UBLCP1: variants seen among roughly 807,000 people sequenced by gnomAD.
The protein encoded by UBLCP1 is ubiquitin-like domain-containing CTD phosphatase 1.
UBLCP1 carries 28 observed loss-of-function variants against 42.4 expected under a neutral mutation model. That is an observed-to-expected ratio of 0.66 (90% confidence interval 0.49 to 0.90). UBLCP1 has a LOEUF of 0.90. UBLCP1 is among the 40% of genes least tolerant of loss of function. The pLI is 0.00. For missense variants in UBLCP1, 279 were observed against 374.5 expected (o/e 0.75, Z 2.10); for synonymous variants, 122 against 120.8 (o/e 1.01, Z -0.07).
chr5:159,283,976 T>C (rs1753638136), intron 10 of UBLCP1, among the ~76,000 whole-genome samples: 1 of 152,144 alleles, frequency 6.6e-6, no homozygotes, highest in Non-Finnish European at 1.5e-5. Context: ...TATTACTATG[T>C]ATTACAGTAT....
At chr5:159,280,966 A>G (rs1286336445) in intron 9 of UBLCP1, among the ~76,000 whole-genome samples, 1 of 152,210 alleles carries the variant, frequency 6.6e-6, no homozygotes, top group Non-Finnish European at 1.5e-5. Context: ...ACCTGAGACA[A>G]GATGATGGTT....
At chr5:159,276,382 T>A in intron 8 of UBLCP1, among the ~76,000 whole-genome samples, 1 of 152,218 alleles carries the variant, frequency 6.6e-6, no homozygotes, top group East Asian at 1.9e-4. Flanking sequence ...ATTAAAATTA[T>A]CAAAACCATA....
chr5:159,275,394 G>A, intron 8 of UBLCP1, 148 bp downstream of exon 8: 2 of 390,096 alleles, frequency 5.1e-6, no homozygotes, highest in Admixed American at 4.4e-5. Flanking sequence ...ATGTATTTAA[G>A]GTTAAAAGAT....
intron 3 of UBLCP1, 88 bp downstream of exon 3, chr5:159,270,087 A>G: frequency 8.5e-7 from 1 of 1,174,154 alleles, no homozygotes; most frequent in South Asian, 1.5e-5. Flanking sequence ...AATTGTGGTA[A>G]AATTGTCAGT....
At position 159,270,129 on chromosome 5, in the gene UBLCP1, G is replaced by A. The variant is rs1753446696; in HGVS notation, c.246+130G>A. On this transcript the variant is annotated intron_variant, in intron 3 of 10. Coordinates refer to ENST00000296786, the MANE Select transcript of UBLCP1 (RefSeq NM_145049.5). ...ATCAATGAAAAATAAAACCCGCACC[G>A]TGAATGTGTTATTAACTGTATAAGT... is the stretch of plus-strand genomic sequence containing the variant. 16 of 801,284 alleles carry A rather than the reference G, an allele frequency of 2.0e-5. No individual in the cohort carries two copies. In the South Asian group the frequency reaches 2.0e-4, roughly 10 times the overall value. 49.6% of individuals were successfully genotyped at this position (801,284 alleles called of 1,614,324 possible).
chr5:159,285,425 A>G lies in UBLCP1; in HGVS notation c.*494A>G, dbSNP rs1753666355. On this transcript the variant is annotated 3_prime_UTR_variant, in exon 11 of 11. Coordinates refer to ENST00000296786, the MANE Select transcript of UBLCP1 (RefSeq NM_145049.5). ...AAAAACAAAAAAAAACTTTTTAATTAAAGAACCTAGTTTGCTATGCTTAAA... is the reference window on the plus strand; with the variant it reads ...AAAAACAAAAAAAAACTTTTTAATTGAAGAACCTAGTTTGCTATGCTTAAA... 1 of 152,752 alleles carries G rather than the reference A, an allele frequency of 6.5e-6. No individual in the cohort carries two copies. The highest frequency in any genetic ancestry group is 2.4e-5 in the African/African-American group (1 of 41,442). 9.5% of individuals were successfully genotyped at this position (152,752 alleles called of 1,614,324 possible).
At chr5:159,264,305 A>G (rs1055958802) in intron 1 of UBLCP1, among the ~76,000 whole-genome samples, 9 of 152,176 alleles carry the variant, frequency 5.9e-5, no homozygotes, top group African/African-American at 1.9e-4. Flanking sequence ...ACCCCAAATC[A>G]TTTTTCAGCT....
Position 159,268,951 on chromosome 5 carries a change from G to T in UBLCP1, c.36G>T (p.Gln12His), listed in dbSNP as rs1753431079. The T allele has an allele frequency of 6.2e-7, 1 of 1,611,562 alleles. No homozygotes were observed. Among genetic ancestry groups the T allele is most frequent in the Admixed American group, 1.7e-5 (1 of 59,640 alleles). ...CTATCATTGTAAAATGGGGTGGACA[G>T]GAGTATTCAGTGACCACACTTTCAG... Reference protein sequence around the residue: ...ALPIIVKWGGQEYSVTTLSED... With the variant: ...ALPIIVKWGGHEYSVTTLSED... The change falls in exon 2 of 11, where the codon CAG becomes CAT. Residue 12 changes from glutamine (Q) to histidine (H), a missense_variant. By Grantham distance (24) the Gln-to-His change is conservative. Transcript: ENST00000296786.
Position 159,285,304 on chromosome 5 carries a change from TTTGTGTTTTTGTCTCA to T in UBLCP1, c.*381_*396del, listed in dbSNP as rs1329205855. On this transcript the variant is annotated 3_prime_UTR_variant, in exon 11 of 11. Coordinates refer to ENST00000296786, the MANE Select transcript of UBLCP1 (RefSeq NM_145049.5). ...TTGTGACTTTGGAAACAAGTTATGT[TTTGTGTTTTTGTCTCA>T]TTGTGTTATTGTCTGACTAAATCTA... 1 of 171,296 alleles carries T rather than the reference TTTGTGTTTTTGTCTCA, an allele frequency of 5.8e-6. No homozygotes were observed. The highest frequency in any genetic ancestry group is 1.2e-5 in the Non-Finnish European group (1 of 80,932). 10.6% of individuals were successfully genotyped at this position (171,296 alleles called of 1,614,324 possible). A position where few individuals can be genotyped will look rare whatever the true frequency, so the allele number is the denominator to read the frequency against.
Position 159,275,177 on chromosome 5 carries a change from T to A in UBLCP1, c.615T>A (p.Tyr205Ter). The A allele has an allele frequency of 6.2e-7, 1 of 1,613,404 alleles. No individual in the cohort carries two copies. Among genetic ancestry groups the A allele is most frequent in the Non-Finnish European group, 8.5e-7 (1 of 1,179,800 alleles). ...TGGGAGTGAGCACAAATGCAAATTATAAGATTACTTTCATGTTGGATAGTG... is the reference window on the plus strand; with the variant it reads ...TGGGAGTGAGCACAAATGCAAATTAAAAGATTACTTTCATGTTGGATAGTG... ...KELGVSTNAN[Y>*]KITFMLDSAA... Residue 205 changes from tyrosine (Y) to a stop codon, truncating the protein, a stop_gained, in exon 8 of 11, where the codon TAT (tyrosine) becomes TAA (stop). Coordinates refer to ENST00000296786, the MANE Select transcript of UBLCP1 (RefSeq NM_145049.5). LOFTEE classifies it high-confidence loss of function.
chr5:159,275,372 T>C (rs1753521453), intron 8 of UBLCP1, 126 bp downstream of exon 8: 1 of 647,544 alleles, frequency 1.5e-6, no homozygotes, highest in Non-Finnish European at 2.5e-6. Context: ...GGTTGAGTTT[T>C]GACATAGGAA....
In UBLCP1 at chr5:159,270,042, T is replaced by C. The variant is rs978472674; in HGVS notation, c.246+43T>C. On this transcript the variant is annotated intron_variant, in intron 3 of 10. Transcript: ENST00000296786. ...GTTACCATTTGTCCATTTGAAGATA[T>C]TATGATTTATACTACACTGTTGTAT... 4.7e-6 allele frequency: 7 copies of C among 1,480,316 alleles called. No homozygotes were observed. The African/African-American group carries it at 7.0e-5, about 15-fold the overall frequency. The allele number at this position is 1,480,316 out of a possible 1,614,324, so 91.7% of individuals were successfully genotyped here. A position where few individuals can be genotyped will look rare whatever the true frequency, so the allele number is the denominator to read the frequency against.
chr5:159,275,401 AGAT>A, intron 8 of UBLCP1, 155 bp downstream of exon 8: 21 of 376,028 alleles, frequency 5.6e-5, no homozygotes, highest in East Asian at 1.8e-4. Flanking sequence ...TAAGGTTAAA[AGAT>A]TTTTTTTTTT....
chr5:159,270,288 A>G (rs1284141486), intron 3 of UBLCP1, 72 bp from the exon 4 acceptor site: 19 of 1,244,206 alleles, frequency 1.5e-5, no homozygotes, highest in Non-Finnish European at 2.2e-5. Flanking sequence ...CTCTCATTTT[A>G]TTTTTATGCT....
chr5:159,272,250 C>A (rs976486354), intron 6 of UBLCP1, 129 bp downstream of exon 6: 1 of 731,684 alleles, frequency 1.4e-6, no homozygotes, highest in Non-Finnish European at 2.2e-6. Context: ...TAGCAAATTT[C>A]TAAAATGAAG....
chr5:159,271,895 G>A lies in UBLCP1; in HGVS notation c.449-128G>A, dbSNP rs527439310. On this transcript the variant is annotated intron_variant, in intron 5 of 10. Coordinates refer to ENST00000296786, the MANE Select transcript of UBLCP1 (RefSeq NM_145049.5). ...TCTTTTTGTCAGCCAACGTAATTCA[G>A]TCTGAAGCAGTTTGCAATGAAATGT... 1.3e-3 allele frequency: 798 copies of A among 597,900 alleles called. 4 individuals carry two copies. Among genetic ancestry groups the A allele is most frequent in the Non-Finnish European group, 9.0e-4 (315 of 351,022 alleles). 37.0% of individuals were successfully genotyped at this position (597,900 alleles called of 1,614,324 possible). A position where few individuals can be genotyped will look rare whatever the true frequency, so the allele number is the denominator to read the frequency against.
chr5:159,276,900 T>G (rs573138939), intron 8 of UBLCP1, among the ~76,000 whole-genome samples: 1 of 152,306 alleles, frequency 6.6e-6, no homozygotes, highest in South Asian at 2.1e-4. Context: ...GATTTAAAAT[T>G]TTCCTTTATG....
intron 1 of UBLCP1, among the ~76,000 whole-genome samples, chr5:159,264,831 A>G (rs574778881): frequency 1.3e-5 from 2 of 152,354 alleles, no homozygotes; most frequent in African/African-American, 4.8e-5. Flanking sequence ...CTAGAAGAGC[A>G]ATCACTTGTC....
intron 10 of UBLCP1, among the ~76,000 whole-genome samples, chr5:159,284,457 C>T (rs921284595): frequency 4.6e-5 from 7 of 152,066 alleles, no homozygotes; most frequent in Non-Finnish European, 1.0e-4. Flanking sequence ...CATCTTTTGC[C>T]CACTGTCTTG....
Sources: allele counts gnomAD v4.1 joint callset (sites outside exome capture counted in the v4.1 genomes callset), GRCh38; gene constraint gnomAD v4.1.1; transcripts MANE v1.5; gene names NCBI Gene and HGNC (gene_info 2026-07-23, HGNC 2026-07-21).